The following CCND3 variants were observed in gnomAD, a reference collection of about 807,000 sequenced individuals.
CCND3 encodes the protein cyclin D3, also known as G1/S-specific cyclin-D3.
In CCND3, 9 loss-of-function variants were observed where a neutral mutation model predicts 28.7. That is an observed-to-expected ratio of 0.31 (90% CI 0.19 to 0.55). The LOEUF is 0.55. Among genes scored for constraint, CCND3 ranks in the 20% least tolerant of loss-of-function variants. CCND3 has a pLI of 0.93. For synonymous variants in CCND3, 164 were observed against 163.9 expected (o/e 1.00, Z 0.00); for missense variants, 315 against 385.8 (o/e 0.82, Z 1.54).
At chr6:41,953,098 C>A (rs572480036) in intron 1 of CCND3, among the ~76,000 whole-genome samples, 60 of 152,132 alleles carry the variant, frequency 3.9e-4, no homozygotes, top group Non-Finnish European at 7.5e-4. Flanking sequence ...ATGGTGAAAC[C>A]CTGTCTCTAC....
Position 41,935,545 on chromosome 6 carries a change from C to A in CCND3, c.*395G>T. 5.0e-6 allele frequency: 2 copies of A among 397,930 alleles called. No homozygotes were observed. Among genetic ancestry groups the A allele is most frequent in the Non-Finnish European group, 9.1e-6 (2 of 219,730 alleles). 24.6% of individuals were successfully genotyped at this position (397,930 alleles called of 1,614,324 possible). A position where few individuals can be genotyped will look rare whatever the true frequency, so the allele number is the denominator to read the frequency against. On this transcript the variant is annotated 3_prime_UTR_variant, in exon 5 of 5. Coordinates refer to ENST00000372991, the MANE Select transcript of CCND3 (RefSeq NM_001760.5). ...AGGGACCCCAATCCAAATGCAATAACCCTAGAAGGGACAACACCTTTAGAA... is the reference window on the plus strand; with the variant it reads ...AGGGACCCCAATCCAAATGCAATAAACCTAGAAGGGACAACACCTTTAGAA...
chr6:41,953,771 G>A (rs1473603686), intron 1 of CCND3, among the ~76,000 whole-genome samples: 1 of 151,992 alleles, frequency 6.6e-6, no homozygotes, highest in Admixed American at 6.5e-5. Flanking sequence ...GGCACTTGCT[G>A]TAATTCTGAC....
intron 1 of CCND3, among the ~76,000 whole-genome samples, chr6:42,032,720 T>C (rs1036601067): frequency 3.9e-5 from 6 of 152,186 alleles, no homozygotes; most frequent in African/African-American, 1.4e-4. Context: ...GAGTTCCGTT[T>C]CCCCTATTGT....
chr6:41,936,811 G>A lies in CCND3; in HGVS notation c.575-116C>T. The A allele has an allele frequency of 9.2e-7, 1 of 1,090,682 alleles. No individual in the cohort carries two copies. Among genetic ancestry groups the A allele is most frequent in the Non-Finnish European group, 1.3e-6 (1 of 758,904 alleles). The allele number at this position is 1,090,682 out of a possible 1,614,324, so 67.6% of individuals were successfully genotyped here. ...GCATGAGTAGAGCAGAGGACATGCT[G>A]GAAAACTCCAGCAGTGGGTGGGGCA... On this transcript the variant is annotated intron_variant, in intron 3 of 4. Transcript: ENST00000372991. The surrounding 1 kb of genome is among the most constrained non-coding windows in gnomAD (Gnocchi z 4.4).
chr6:41,971,089 C>T (rs1417489868), intron 1 of CCND3, among the ~76,000 whole-genome samples: 2 of 151,598 alleles, frequency 1.3e-5, no homozygotes, highest in African/African-American at 2.4e-5. Flanking sequence ...AGCTAATTTT[C>T]GTATTTTTAG....
intron 1 of CCND3, among the ~76,000 whole-genome samples, chr6:41,977,647 G>C (rs948994938): frequency 6.6e-6 from 1 of 152,048 alleles, no homozygotes. Context: ...GATTACAGGC[G>C]CGAACCACCA....
rs1250944251 is a variant in CCND3 at position 41,940,391 on chromosome 6, A to G, written c.393T>C (p.Ala131=). 1 of 1,614,060 alleles carries G rather than the reference A, an allele frequency of 6.2e-7. No homozygotes were observed. The highest frequency in any genetic ancestry group is 1.3e-5 in the African/African-American group (1 of 75,036). ...IEKLCIYTDH[A]VSPRQLRDWE... ...GCACCCGCAACTGGCGGGGAGAGAC[A>G]GCGTGGTCGGTGTAGATGCACAGTT... The change falls in exon 2 of 5, where the codon GCT becomes GCC. Residue 131 remains alanine (A), a synonymous_variant. Coordinates refer to ENST00000372991, the MANE Select transcript of CCND3 (RefSeq NM_001760.5).
At chr6:41,984,279 G>A (rs915829721) in intron 1 of CCND3, among the ~76,000 whole-genome samples, 5 of 152,126 alleles carry the variant, frequency 3.3e-5, no homozygotes, top group Admixed American at 1.3e-4. Flanking sequence ...TTGGACATAC[G>A]GATTTGATTT....
rs35776222 is a variant in CCND3, at chr6:41,989,454, C to CAAAAAAAAAAAAAAAAAA, written c.-45-48870_-45-48869insTTTTTTTTTTTTTTTTTT. On this transcript the variant is annotated intron_variant, in intron 1 of 4. Coordinates refer to the CCND3 transcript ENST00000372988. ...GGGCGACAAGAGTGAAACACTGTCT[C>CAAAAAAAAAAAAAAAAAA]AAAAAAAAAAAACAAAAAAAAAAAA... Among the ~76,000 whole-genome samples, 7 of 21,696 alleles carry CAAAAAAAAAAAAAAAAAA rather than the reference C, an allele frequency of 3.2e-4. 2 individuals are homozygous for CAAAAAAAAAAAAAAAAAA. Among genetic ancestry groups the CAAAAAAAAAAAAAAAAAA allele is most frequent in the Non-Finnish European group, 2.2e-4 (2 of 9,132 alleles). The allele number at this position is 21,696 out of a possible 152,430, so 14.2% of individuals were successfully genotyped here.
At chr6:41,980,361 G>A (rs6458254) in intron 1 of CCND3, among the ~76,000 whole-genome samples, 150,844 of 152,296 alleles carry the variant, frequency 0.99, 74,714 homozygotes, top group Middle Eastern at 1. Context: ...GTCTCGAACT[G>A]CTGACCTCAG....
Position 42,009,291 on chromosome 6 carries a change from C to T in CCND3, c.-46+39210G>A, listed in dbSNP as rs1763267561. 2.0e-5 allele frequency among the ~76,000 whole-genome samples: 3 copies of T among 152,142 alleles called. No homozygotes were observed. The South Asian group carries it at 6.2e-4, about 31-fold the overall frequency. ...AGGAGTTCAAGACCAGCCTGGGCAACATGGTGAAACCCTGTCTTTACAAAA... is the reference window on the plus strand; with the variant it reads ...AGGAGTTCAAGACCAGCCTGGGCAATATGGTGAAACCCTGTCTTTACAAAA... On this transcript the variant is annotated intron_variant, in intron 1 of 4. Coordinates refer to the CCND3 transcript ENST00000372988.
upstream of CCND3, among the ~76,000 whole-genome samples, chr6:41,946,388 G>A (rs1776168118): frequency 6.6e-6 from 1 of 151,620 alleles, no homozygotes; most frequent in African/African-American, 2.4e-5. Context: ...CTTGAGGCCA[G>A]GAGTTTGAGA....
intron 1 of CCND3, among the ~76,000 whole-genome samples, chr6:41,986,443 T>C (rs7770598): frequency 0.39 from 58,534 of 151,714 alleles, 11,548 homozygotes; most frequent in East Asian, 0.48. Flanking sequence ...TCTTCTTTAA[T>C]TTATTTCATC....
At chr6:41,957,591 G>A (rs1006076133) in intron 1 of CCND3, among the ~76,000 whole-genome samples, 4 of 152,222 alleles carry the variant, frequency 2.6e-5, no homozygotes, top group African/African-American at 9.6e-5. Flanking sequence ...TTGTTGTAAA[G>A]TATTCTCCTT....
rs67939325 is a variant in CCND3 at position 41,990,660 on chromosome 6, A to ATTTTTTTTTTTTTT, written c.-45-50089_-45-50076dup. On this transcript the variant is annotated intron_variant, in intron 1 of 4. Coordinates refer to the CCND3 transcript ENST00000372988. Reference sequence around the variant, plus strand: ...TAGTCCATGAATCTATAACCAACTGATTTTTTTTTTTTTTTTTTTTTTTTT... The same window carrying ATTTTTTTTTTTTTT: ...TAGTCCATGAATCTATAACCAACTGATTTTTTTTTTTTTTTTTTTTTTTTTTTTTTTTTTTTTTT... 3.8e-4 allele frequency among the ~76,000 whole-genome samples: 46 copies of ATTTTTTTTTTTTTT among 121,274 alleles called. 23 individuals carry two copies. The highest frequency in any genetic ancestry group is 3.6e-4 in the Non-Finnish European group (22 of 60,716). The allele number at this position is 121,274 out of a possible 152,430, so 79.6% of individuals were successfully genotyped here.
At chr6:41,975,654 G>T (rs1432888091) in intron 1 of CCND3, among the ~76,000 whole-genome samples, 1 of 151,916 alleles carries the variant, frequency 6.6e-6, no homozygotes, top group Non-Finnish European at 1.5e-5. Context: ...CAGCCAAAGG[G>T]TTCCAGGGAC....
chr6:42,008,051 C>T (rs567256417), intron 1 of CCND3, among the ~76,000 whole-genome samples: 1 of 152,042 alleles, frequency 6.6e-6, no homozygotes, highest in East Asian at 1.9e-4. Context: ...TCCTTTATTG[C>T]CTATAGCTCT....
chr6:41,958,038 C>T (rs1428356591), intron 1 of CCND3, among the ~76,000 whole-genome samples: 2 of 131,674 alleles, frequency 1.5e-5, no homozygotes, highest in African/African-American at 5.6e-5. Flanking sequence ...TCTCTGTCAC[C>T]CAGACAGACA....
rs113847211 is a variant in CCND3, at chr6:41,964,381, A to T, written c.-45-23796T>A. On this transcript the variant is annotated intron_variant, in intron 1 of 4. Coordinates refer to the CCND3 transcript ENST00000372988. Reference sequence around the variant, plus strand: ...GTGTGTGTATGTGTGAATGTGTGTGAGTGTGTGTGTGCATGTGTGAATGTG... The same window carrying T: ...GTGTGTGTATGTGTGAATGTGTGTGTGTGTGTGTGTGCATGTGTGAATGTG... Among the ~76,000 whole-genome samples the T allele has an allele frequency of 3.3e-3, 383 of 114,996 alleles. 2 individuals carry two copies. Among genetic ancestry groups the T allele is most frequent in the African/African-American group, 0.012 (368 of 30,234 alleles). The allele number at this position is 114,996 out of a possible 152,430, so 75.4% of individuals were successfully genotyped here. A position where few individuals can be genotyped will look rare whatever the true frequency, so the allele number is the denominator to read the frequency against.
Sources: allele counts gnomAD v4.1 joint callset (sites outside exome capture counted in the v4.1 genomes callset), GRCh38; gene constraint gnomAD v4.1.1; non-coding constraint Gnocchi (gnomAD v3.1); transcripts MANE v1.5; gene names NCBI Gene and HGNC (gene_info 2026-07-23, HGNC 2026-07-21).